The following TBX20 variants were observed in gnomAD, a reference collection of about 807,000 sequenced individuals.
TBX20 encodes the protein T-box transcription factor 20, also known as T-box transcription factor TBX20.
Under a neutral mutation model 42.9 loss-of-function variants are expected in TBX20, and 8 were observed. That is an observed-to-expected ratio of 0.19 (90% confidence interval 0.11 to 0.34). TBX20 has a LOEUF of 0.34. TBX20 is among the 10% of genes least tolerant of loss of function. The pLI is 1.00. For synonymous variants in TBX20, 198 were observed against 222.8 expected, an observed-to-expected ratio of 0.89 and a Z score of 0.99; for missense variants, 411 against 566.0, an observed-to-expected ratio of 0.73 and a Z score of 2.78.
At chr7:35,240,833 A>C (rs1349627440) in intron 5 of TBX20, 46 bp downstream of exon 5, 1 of 1,571,372 alleles carries the variant, frequency 6.4e-7, no homozygotes, top group Non-Finnish European at 8.8e-7. Flanking sequence ...AGAACCTCCT[A>C]AATCCTTCTC....
intron 3 of TBX20, among the ~76,000 whole-genome samples, chr7:35,246,309 C>T (rs879595979): frequency 1.5e-4 from 23 of 152,212 alleles, no homozygotes; most frequent in Non-Finnish European, 3.1e-4. Flanking sequence ...GGATTGCTCA[C>T]AGTTGCCTTT....
chr7:35,251,055 T>C (rs1790295893), intron 1 of TBX20, among the ~76,000 whole-genome samples: 1 of 152,152 alleles, frequency 6.6e-6, no homozygotes, highest in Non-Finnish European at 1.5e-5. Flanking sequence ...TGCTCTGCCA[T>C]CCACCACCAG....
At chr7:35,240,773 T>C in intron 5 of TBX20, 106 bp downstream of exon 5, 1 of 1,048,598 alleles carries the variant, frequency 9.5e-7, no homozygotes, top group South Asian at 1.4e-5. Context: ...CTCTGCAAAG[T>C]GAACATCCAT....
At chr7:35,236,079 A>G (rs1244208351) in intron 5 of TBX20, among the ~76,000 whole-genome samples, 2 of 152,196 alleles carry the variant, frequency 1.3e-5, no homozygotes, top group Non-Finnish European at 2.9e-5. Flanking sequence ...ATGTAAAGAA[A>G]TGCAATCATT....
chr7:35,253,477 C>A lies in TBX20; in HGVS notation c.127+17G>T. On this transcript the variant is annotated intron_variant, in intron 1 of 7. Coordinates refer to ENST00000408931, the MANE Select transcript of TBX20 (RefSeq NM_001077653.2). ...GCATCCCCAGTCCTCGGCGGACAGC[C>A]GGGTAGCCCAACTTACCCAGGGGTT... 1 of 1,605,924 alleles carries A rather than the reference C, an allele frequency of 6.2e-7. No homozygotes were observed. Among genetic ancestry groups the A allele is most frequent in the Non-Finnish European group, 8.5e-7 (1 of 1,176,622 alleles).
At position 35,249,471 on chromosome 7, in the gene TBX20, G is replaced by A. The variant is rs1377892173; in HGVS notation, c.380+480C>T. On this transcript the variant is annotated intron_variant, in intron 2 of 7. Transcript: ENST00000408931. The surrounding 1 kb of genome is among the most constrained non-coding windows in gnomAD (Gnocchi z 4.3). ...GCTCCTTCCTACAGGGAATTTTATC[G>A]TTTCAAATTTCATTCTTCCGCCCAG... Among the ~76,000 whole-genome samples the A allele has an allele frequency of 1.3e-5, 2 of 152,204 alleles. No homozygotes were observed. The highest frequency in any genetic ancestry group is 1.5e-5 in the Non-Finnish European group (1 of 68,038).
In TBX20 at chr7:35,253,646, G is replaced by A; in HGVS notation, c.-26C>T. 1 of 1,605,476 alleles carries A rather than the reference G, an allele frequency of 6.2e-7. No homozygotes were observed. The highest frequency in any genetic ancestry group is 8.5e-7 in the Non-Finnish European group (1 of 1,176,698). On this transcript the variant is annotated 5_prime_UTR_variant, in exon 1 of 8. Coordinates refer to ENST00000408931, the MANE Select transcript of TBX20 (RefSeq NM_001077653.2). ...GGTCCCCAGCACGCGGTCCTGGCCA[G>A]GGACGGGGTCGTCCGAACTGCCGTC...
chr7:35,226,360 A>G (rs574817794), intron 6 of TBX20, among the ~76,000 whole-genome samples: 1 of 151,206 alleles, frequency 6.6e-6, no homozygotes, highest in African/African-American at 2.4e-5. Context: ...CTCTTGATAC[A>G]TAAGTAGCTT....
At position 35,204,591 on chromosome 7, in the gene TBX20, G is replaced by C. The variant is rs761878149; in HGVS notation, c.891-9C>G. On this transcript the variant is annotated splice_polypyrimidine_tract_variant and intron_variant, in intron 6 of 7. Transcript: ENST00000408931. ...GGCTCTCCACACTTTCCCTAGGTTA[G>C]AGTGACATATCACAGGTTAAGTAAA... 4 of 1,598,904 alleles carry C rather than the reference G, an allele frequency of 2.5e-6. No homozygotes were observed. The South Asian group carries it at 4.4e-5, about 18-fold the overall frequency.
At chr7:35,229,467 A>G (rs1241802341) in intron 6 of TBX20, among the ~76,000 whole-genome samples, 1 of 152,196 alleles carries the variant, frequency 6.6e-6, no homozygotes, top group Admixed American at 6.5e-5. Context: ...GGCCAATTTC[A>G]CACTACTTAG....
At chr7:35,221,431 A>G (rs1373914326) in intron 6 of TBX20, among the ~76,000 whole-genome samples, 2 of 152,158 alleles carry the variant, frequency 1.3e-5, no homozygotes, top group African/African-American at 4.8e-5. Context: ...CTGAACAGAG[A>G]TACAATTTCT....
intron 6 of TBX20, among the ~76,000 whole-genome samples, chr7:35,231,195 T>C (rs774296414): frequency 2.0e-5 from 3 of 152,160 alleles, no homozygotes; most frequent in South Asian, 2.1e-4. Flanking sequence ...CTGCCACTCA[T>C]TGAGACACGA....
chr7:35,232,439 T>A (rs1053729311), intron 5 of TBX20, among the ~76,000 whole-genome samples: 2 of 152,192 alleles, frequency 1.3e-5, no homozygotes, highest in Non-Finnish European at 2.9e-5. Flanking sequence ...TGGAAAATAC[T>A]GGAATTGTTA....
chr7:35,202,980 T>C (rs1209926506), intron 7 of TBX20, among the ~76,000 whole-genome samples: 1 of 152,190 alleles, frequency 6.6e-6, no homozygotes, highest in East Asian at 1.9e-4. Flanking sequence ...GAGAATTTAC[T>C]AAATGGAAAA....
intron 6 of TBX20, among the ~76,000 whole-genome samples, chr7:35,227,100 GA>G (rs1246408293): frequency 6.7e-6 from 1 of 149,680 alleles, no homozygotes; most frequent in African/African-American, 2.5e-5. Context: ...AAAAAAAATT[GA>G]AAAAAATTGA....
At chr7:35,228,759 T>C (rs1301115411) in intron 6 of TBX20, among the ~76,000 whole-genome samples, 1 of 152,090 alleles carries the variant, frequency 6.6e-6, no homozygotes, top group African/African-American at 2.4e-5. Context: ...TCTGAGAAAC[T>C]AGACATTAGA....
At chr7:35,248,604 A>C in intron 3 of TBX20, 73 bp downstream of exon 3, 2 of 1,551,052 alleles carry the variant, frequency 1.3e-6, no homozygotes, top group Non-Finnish European at 8.9e-7. Context: ...ACTTGCTTAA[A>C]ATTCACACAA....
chr7:35,250,287 C>G, intron 1 of TBX20, 84 bp from the exon 2 acceptor site: 1 of 1,547,146 alleles, frequency 6.5e-7, no homozygotes, highest in Non-Finnish European at 8.8e-7. Context: ...CAAATGGTCA[C>G]TTGGATTTGA....
In TBX20 at chr7:35,253,868, C is replaced by T. The variant is rs893854107; in HGVS notation, c.-248G>A. On this transcript the variant is annotated 5_prime_UTR_variant, in exon 1 of 8. Transcript: ENST00000408931. The stretch of plus-strand genomic sequence containing the variant: ...AGAGGAGAGGGCCCACCGAGCACTA[C>T]GGCGGGTGCGCACGCCCCGGGGCGC... 1 of 515,406 alleles carries T rather than the reference C, an allele frequency of 1.9e-6. No individual in the cohort carries two copies. Among genetic ancestry groups the T allele is most frequent in the East Asian group, 3.4e-5 (1 of 29,548 alleles). The allele number at this position is 515,406 out of a possible 1,614,324, so 31.9% of individuals were successfully genotyped here.
Sources: allele counts gnomAD v4.1 joint callset (sites outside exome capture counted in the v4.1 genomes callset), GRCh38; gene constraint gnomAD v4.1.1; non-coding constraint Gnocchi (gnomAD v3.1); transcripts MANE v1.5; gene names NCBI Gene and HGNC (gene_info 2026-07-23, HGNC 2026-07-21).